Variants in UHRF1 observed in about 807,000 individuals in gnomAD.
UHRF1 encodes the protein ubiquitin like with PHD and ring finger domains 1.
A neutral mutation model predicts 96.5 loss-of-function variants in UHRF1; 9 were observed. The observed-to-expected ratio is 0.09, with a 90% CI of 0.06 to 0.16. The LOEUF is 0.16. Ranked by LOEUF, UHRF1 falls within the 10% of genes least tolerant of loss-of-function variation. The pLI, the probability that UHRF1 is intolerant of heterozygous loss-of-function variation, is 1.00. For missense variants in UHRF1, 626 were observed against 1,131.1 expected (o/e 0.55, Z 6.40); for synonymous variants, 455 against 469.9 (o/e 0.97, Z 0.41).
intron 2 of UHRF1, among the ~76,000 whole-genome samples, chr19:4,913,826 T>TA: frequency 7.7e-6 from 1 of 130,692 alleles, no homozygotes; most frequent in East Asian, 2.0e-4. Flanking sequence ...TTTTTTTTTT[T>TA]TTTGGAGACA....
At chr19:4,912,794 ACT>A (rs1336765638) in intron 2 of UHRF1, among the ~76,000 whole-genome samples, 1 of 151,756 alleles carries the variant, frequency 6.6e-6, no homozygotes, top group Admixed American at 6.6e-5. Context: ...ACAGGATCTC[ACT>A]CTGCCCAGGC....
upstream of UHRF1, chr19:4,909,435 C>T (rs536207146): frequency 5.6e-4 from 368 of 652,818 alleles, no homozygotes; most frequent in African/African-American, 6.1e-3. Context: ...GGCAGGCGCC[C>T]GCCCCCGGCA....
intron 2 of UHRF1, among the ~76,000 whole-genome samples, chr19:4,918,780 G>A (rs1332554118): frequency 6.7e-6 from 1 of 149,204 alleles, no homozygotes; most frequent in Non-Finnish European, 1.5e-5. Context: ...GAGTACAGTG[G>A]CACGATCTTA....
chr19:4,960,644 C>T lies in UHRF1; in HGVS notation c.2236-13C>T. On this transcript the variant is annotated splice_polypyrimidine_tract_variant and intron_variant, in intron 16 of 16. Coordinates refer to ENST00000650932, the MANE Select transcript of UHRF1 (RefSeq NM_001048201.3). ...GTGGATGGCACTTCTCACGCGCCTG[C>T]TGTGTCTTACAGGACTGCCTGGACA... The T allele has an allele frequency of 6.2e-7, 1 of 1,612,538 alleles. No homozygotes were observed. Among genetic ancestry groups the T allele is most frequent in the African/African-American group, 1.3e-5 (1 of 75,036 alleles).
chr19:4,918,547 T>G (rs1398144173), intron 2 of UHRF1, among the ~76,000 whole-genome samples: 1 of 151,676 alleles, frequency 6.6e-6, no homozygotes, highest in African/African-American at 2.4e-5. Flanking sequence ...CCCGAGTAGC[T>G]GGGACTACAG....
chr19:4,909,790 C>T lies in UHRF1; in HGVS notation c.-11+135C>T, dbSNP rs557510777. ...TCTGTCCCGGGATCCAGGGCCTCCC[C>T]TTCCACCTAACCCTCGGGAATCGTT... On this transcript the variant is annotated intron_variant, in intron 1 of 16. Coordinates refer to ENST00000650932, the MANE Select transcript of UHRF1 (RefSeq NM_001048201.3). 1.9e-4 allele frequency: 86 copies of T among 455,502 alleles called. No individual in the cohort carries two copies. The East Asian group carries it at 3.1e-3, about 17-fold the overall frequency. The allele number at this position is 455,502 out of a possible 1,614,324, so 28.2% of individuals were successfully genotyped here. A position where few individuals can be genotyped will look rare whatever the true frequency, so the allele number is the denominator to read the frequency against.
chr19:4,930,636 C>A lies in UHRF1; in HGVS notation c.409-80C>A. 1 of 1,505,804 alleles carries A rather than the reference C, an allele frequency of 6.6e-7. No homozygotes were observed. Among genetic ancestry groups the A allele is most frequent in the Non-Finnish European group, 9.0e-7 (1 of 1,108,726 alleles). 93.3% of individuals were successfully genotyped at this position (1,505,804 alleles called of 1,614,324 possible). A position where few individuals can be genotyped will look rare whatever the true frequency, so the allele number is the denominator to read the frequency against. On this transcript the variant is annotated intron_variant, in intron 3 of 16. Transcript: ENST00000650932. This position sits in a 1 kb window ranked among gnomAD's most constrained non-coding sequence, Gnocchi z 4.4. ...GTTTGCGCCCTGGTTCCAGAGCATC[C>A]CAGTGTCCGAGAACCAAGGTGGTCT...
In UHRF1 at chr19:4,947,412, C is replaced by T. The variant is rs576826631; in HGVS notation, c.1517+201C>T. Among the ~76,000 whole-genome samples, 3 of 149,656 alleles carry T rather than the reference C, an allele frequency of 2.0e-5. 1 individual carries two copies. Among genetic ancestry groups the T allele is most frequent in the African/African-American group, 4.9e-5 (2 of 40,798 alleles). On this transcript the variant is annotated intron_variant, in intron 11 of 16. Coordinates refer to ENST00000650932, the MANE Select transcript of UHRF1 (RefSeq NM_001048201.3). ...GCCACTGCGCCTGGTCTGGTTCCTC[C>T]CGTATGTGTGCCACATACCGTGAGC...
chr19:4,958,456 T>G (rs2033912139), intron 16 of UHRF1, among the ~76,000 whole-genome samples: 2 of 152,160 alleles, frequency 1.3e-5, no homozygotes, highest in African/African-American at 4.8e-5. Context: ...GAGGGAGGCC[T>G]GGGAGCCCCG....
chr19:4,929,554 A>G, intron 3 of UHRF1, 78 bp downstream of exon 3: 2 of 1,537,798 alleles, frequency 1.3e-6, no homozygotes, highest in Non-Finnish European at 1.8e-6. Context: ...CAGGGCTCAC[A>G]GGAGGGGCTT....
At chr19:4,929,119 C>CT in intron 2 of UHRF1, 103 bp from the exon 3 acceptor site, 1 of 1,464,414 alleles carries the variant, frequency 6.8e-7, no homozygotes, top group Non-Finnish European at 9.2e-7. Context: ...ATTGCCCCCC[C>CT]CCCACAAGGG....
chr19:4,945,511 G>A (rs186148405), intron 9 of UHRF1, among the ~76,000 whole-genome samples: 1 of 152,092 alleles, frequency 6.6e-6, no homozygotes. Flanking sequence ...CACCCACCTC[G>A]GCCCCCGAAA....
At chr19:4,927,472 C>T (rs1357247270) in intron 2 of UHRF1, among the ~76,000 whole-genome samples, 1 of 152,012 alleles carries the variant, frequency 6.6e-6, no homozygotes, top group African/African-American at 2.4e-5. Flanking sequence ...AGAAAGAAAG[C>T]CTGCAGAGAA....
intron 15 of UHRF1, among the ~76,000 whole-genome samples, chr19:4,956,496 C>T (rs954332343): frequency 2.6e-5 from 4 of 152,244 alleles, no homozygotes; most frequent in African/African-American, 9.6e-5. Context: ...ATCCTCCCCA[C>T]CTTGCCACTT....
At chr19:4,931,891 G>T (rs780157534) in intron 4 of UHRF1, among the ~76,000 whole-genome samples, 2 of 152,192 alleles carry the variant, frequency 1.3e-5, no homozygotes, top group African/African-American at 2.4e-5. Context: ...CTCCCAAGTG[G>T]CTGGGACTAC....
chr19:4,944,527 G>C, intron 9 of UHRF1, 77 bp downstream of exon 9: 1 of 1,517,830 alleles, frequency 6.6e-7, no homozygotes, highest in Non-Finnish European at 9.1e-7. Flanking sequence ...TCCTGGCTTT[G>C]GCCAGCCAGG....
At chr19:4,932,415 C>G (rs1168541617) in intron 4 of UHRF1, among the ~76,000 whole-genome samples, 1 of 152,246 alleles carries the variant, frequency 6.6e-6, no homozygotes, top group Non-Finnish European at 1.5e-5. Flanking sequence ...GGGGCCCACC[C>G]TACTGCAGTG....
chr19:4,945,797 C>T lies in UHRF1; in HGVS notation c.1306-64C>T, dbSNP rs17884654. On this transcript the variant is annotated intron_variant, in intron 9 of 16. Transcript: ENST00000650932. ...CTGCTCGGGGTAGGGAGGAGGAGGG[C>T]GGTGGAGCTTCTCTGCAGCAGTCAT... 3.3e-5 allele frequency: 46 copies of T among 1,383,608 alleles called. 1 individual carries two copies. The highest frequency in any genetic ancestry group is 2.7e-4 in the Admixed American group (14 of 51,286). The allele number at this position is 1,383,608 out of a possible 1,614,324, so 85.7% of individuals were successfully genotyped here.
At chr19:4,916,842 G>A (rs1413791122) in intron 2 of UHRF1, among the ~76,000 whole-genome samples, 9 of 152,172 alleles carry the variant, frequency 5.9e-5, no homozygotes, top group Non-Finnish European at 1.0e-4. Context: ...CCCAGGTCCC[G>A]TCAGGCCCCT....
Sources: allele counts gnomAD v4.1 joint callset (sites outside exome capture counted in the v4.1 genomes callset), GRCh38; gene constraint gnomAD v4.1.1; non-coding constraint Gnocchi (gnomAD v3.1); transcripts MANE v1.5; gene names NCBI Gene and HGNC (gene_info 2026-07-23, HGNC 2026-07-21).